The following RASGRF1 variants were observed in gnomAD, a reference collection of about 807,000 sequenced individuals.
The protein encoded by RASGRF1 is Ras protein specific guanine nucleotide releasing factor 1, also known as ras-specific guanine nucleotide-releasing factor 1.
In RASGRF1, 40 loss-of-function variants were observed where a neutral mutation model predicts 138.7. The observed-to-expected ratio is 0.29, with a 90% CI of 0.22 to 0.38. The LOEUF is 0.38. Among genes scored for constraint, RASGRF1 ranks in the 10% least tolerant of loss-of-function variants. The probability of loss-of-function intolerance (pLI) is 1.00; values close to 1 mark genes in which losing one functional copy is unlikely to be tolerated. For missense variants in RASGRF1, 1,108 were observed against 1,650.4 expected (o/e 0.67, Z 5.69); for synonymous variants, 614 against 663.2 (o/e 0.93, Z 1.14).
chr15:79,072,267 CTTTTTTTTTT>C (rs758415767), intron 1 of RASGRF1, among the ~76,000 whole-genome samples: 10 of 61,586 alleles, frequency 1.6e-4, no homozygotes, highest in East Asian at 8.2e-4. Flanking sequence ...GATAAACAAT[CTTTTTTTTTT>C]TTTTTTTTTT....
At chr15:79,052,986 G>A (rs1268028492) in intron 3 of RASGRF1, among the ~76,000 whole-genome samples, 2 of 152,128 alleles carry the variant, frequency 1.3e-5, no homozygotes, top group Non-Finnish European at 2.9e-5. Flanking sequence ...CTGATTCTAG[G>A]CCAGTTGCAA....
At chr15:79,000,064 G>T in intron 16 of RASGRF1, 151 bp from the exon 17 acceptor site, 1 of 767,150 alleles carries the variant, frequency 1.3e-6, no homozygotes, top group Non-Finnish European at 2.1e-6. Flanking sequence ...GCTGGTGTGT[G>T]TGTGTGTCTC....
At chr15:79,026,227 C>T (rs1279608032) in intron 9 of RASGRF1, among the ~76,000 whole-genome samples, 1 of 152,234 alleles carries the variant, frequency 6.6e-6, no homozygotes, top group Admixed American at 6.5e-5. Flanking sequence ...CTTGGGCACA[C>T]CTCCCAGCCT....
At chr15:78,972,520 G>A (rs547578194) in intron 25 of RASGRF1, among the ~76,000 whole-genome samples, 2 of 151,796 alleles carry the variant, frequency 1.3e-5, no homozygotes, top group African/African-American at 2.4e-5. Flanking sequence ...AGTGGCATAA[G>A]CTACCTAACA....
At chr15:79,067,910 C>T (rs995145319) in intron 1 of RASGRF1, among the ~76,000 whole-genome samples, 3 of 152,128 alleles carry the variant, frequency 2.0e-5, no homozygotes, top group African/African-American at 7.2e-5. Context: ...GGATGAGCTC[C>T]AGGCTCCTGG....
At chr15:79,025,286 C>T in intron 10 of RASGRF1, 28 bp downstream of exon 10, 1 of 1,564,172 alleles carries the variant, frequency 6.4e-7, no homozygotes, top group African/African-American at 1.4e-5. Flanking sequence ...GCTGGGCAGC[C>T]CCCAAGCCCC....
At chr15:79,030,454 G>A (rs761360501) in intron 8 of RASGRF1, among the ~76,000 whole-genome samples, 12 of 152,140 alleles carry the variant, frequency 7.9e-5, no homozygotes, top group East Asian at 1.9e-4. Flanking sequence ...CAGTGCTGTC[G>A]CTTTAAACAC....
chr15:79,025,537 C>A, intron 9 of RASGRF1, 63 bp from the exon 10 acceptor site: 3 of 1,537,282 alleles, frequency 2.0e-6, no homozygotes, highest in Non-Finnish European at 2.6e-6. Flanking sequence ...TCTGACCCAG[C>A]CTTGAAGGTT....
intron 10 of RASGRF1, among the ~76,000 whole-genome samples, chr15:79,022,082 G>T (rs1019812408): frequency 6.6e-6 from 1 of 152,194 alleles, no homozygotes; most frequent in Non-Finnish European, 1.5e-5. Context: ...CTGGTGGGTG[G>T]CAGTGCTGGG....
intron 21 of RASGRF1, among the ~76,000 whole-genome samples, chr15:78,991,039 T>C (rs1189464682): frequency 6.6e-6 from 1 of 152,222 alleles, no homozygotes; most frequent in Non-Finnish European, 1.5e-5. Flanking sequence ...TCTGGGACCA[T>C]TGTTAGGAAT....
chr15:79,020,189 C>G, intron 10 of RASGRF1, 85 bp from the exon 11 acceptor site: 1 of 1,301,268 alleles, frequency 7.7e-7, no homozygotes, highest in Non-Finnish European at 1.1e-6. Context: ...TTGGAGGGGA[C>G]TTTAACAAGG....
chr15:79,068,901 C>T (rs1348012766), intron 1 of RASGRF1, among the ~76,000 whole-genome samples: 6 of 152,006 alleles, frequency 3.9e-5, no homozygotes, highest in Non-Finnish European at 8.8e-5. Flanking sequence ...AGAGGCCAGG[C>T]GATGACCTCT....
Position 79,005,718 on chromosome 15 carries a change from TCTCCCTCC to T in RASGRF1, c.2075+460_2075+467del, listed in dbSNP as rs3833003. The T allele has an allele frequency of 1.5e-3, 824 of 567,376 alleles. 6 individuals are homozygous for T. Among genetic ancestry groups the T allele is most frequent in the African/African-American group, 0.014 (619 of 43,372 alleles). 35.1% of individuals were successfully genotyped at this position (567,376 alleles called of 1,614,324 possible). A position where few individuals can be genotyped will look rare whatever the true frequency, so the allele number is the denominator to read the frequency against. On this transcript the variant is annotated intron_variant, in intron 14 of 26. Coordinates refer to ENST00000558480, the MANE Select transcript of RASGRF1 (RefSeq NM_001145648.3). ...AAGCAAAGCAGGGGTAAGAGTCCTT[TCTCCCTCC>T]CTCCCTCCCTCCCTCCCTCCCTTCC... is the stretch of plus-strand genomic sequence containing the variant.
chr15:79,043,928 T>G (rs2141020434), intron 5 of RASGRF1, among the ~76,000 whole-genome samples: 1 of 152,350 alleles, frequency 6.6e-6, no homozygotes, highest in Non-Finnish European at 1.5e-5. Flanking sequence ...GGGAGCTCAT[T>G]ACTCTTCCGA....
chr15:78,992,390 T>A (rs895156948), intron 20 of RASGRF1, among the ~76,000 whole-genome samples: 1 of 152,200 alleles, frequency 6.6e-6, no homozygotes, highest in East Asian at 1.9e-4. Context: ...GATTCCACTA[T>A]TTGGGCCCTT....
At chr15:79,012,378 T>G in intron 13 of RASGRF1, 1 of 815,988 alleles carries the variant, frequency 1.2e-6, no homozygotes, top group Non-Finnish European at 2.0e-6. Context: ...GGACCTCGCC[T>G]GGATTACACA....
chr15:79,052,130 C>G (rs532550003), intron 3 of RASGRF1, among the ~76,000 whole-genome samples: 1 of 152,306 alleles, frequency 6.6e-6, no homozygotes, highest in South Asian at 2.1e-4. Flanking sequence ...GGTGTCTTGG[C>G]TGGCTCCTGC....
At chr15:79,061,687 G>C (rs1164396665) in intron 2 of RASGRF1, among the ~76,000 whole-genome samples, 1 of 152,018 alleles carries the variant, frequency 6.6e-6, no homozygotes, top group Non-Finnish European at 1.5e-5. Context: ...GTACTATTTT[G>C]TGTCTGGCTC....
intron 5 of RASGRF1, among the ~76,000 whole-genome samples, chr15:79,040,980 C>T (rs1159384996): frequency 6.6e-6 from 1 of 152,182 alleles, no homozygotes; most frequent in East Asian, 1.9e-4. Context: ...CTGTGTCTAA[C>T]TCCAGCAATG....
Sources: gnomAD v4.1 joint callset for allele counts (sites outside exome capture counted in the v4.1 genomes callset) on GRCh38, gnomAD v4.1.1 for gene constraint, MANE v1.5 for transcripts, NCBI Gene and HGNC (gene_info 2026-07-23, HGNC 2026-07-21) for gene names.